The following KCNK13 variants were observed in gnomAD, a reference collection of about 807,000 sequenced individuals.
The protein encoded by KCNK13 is potassium two pore domain channel subfamily K member 13, also known as potassium channel subfamily K member 13.
Under a neutral mutation model 23.4 loss-of-function variants are expected in KCNK13, and 12 were observed. The ratio of observed to expected loss-of-function variants is 0.51; its 90% confidence interval spans 0.33 to 0.83. KCNK13 has a LOEUF of 0.83. Among genes scored for constraint, KCNK13 ranks in the 40% least tolerant of loss-of-function variants. The pLI is 0.02. For missense variants in KCNK13, 463 were observed against 556.3 expected, an observed-to-expected ratio of 0.83 and a Z score of 1.69; for synonymous variants, 231 against 229.5, an observed-to-expected ratio of 1.01 and a Z score of -0.06.
chr14:90,095,303 C>T (rs1227122894), intron 1 of KCNK13, among the ~76,000 whole-genome samples: 1 of 152,098 alleles, frequency 6.6e-6, no homozygotes, highest in Non-Finnish European at 1.5e-5. Context: ...ATGGTACAAT[C>T]TCCTAGGAAA....
chr14:90,119,289 T>A (rs1244748573), intron 1 of KCNK13, among the ~76,000 whole-genome samples: 1 of 152,182 alleles, frequency 6.6e-6, no homozygotes, highest in East Asian at 1.9e-4. Flanking sequence ...CCCAATTCAT[T>A]CTATGAGGCC....
At chr14:90,153,781 C>T (rs376918764) in intron 1 of KCNK13, among the ~76,000 whole-genome samples, 38 of 152,198 alleles carry the variant, frequency 2.5e-4, no homozygotes, top group East Asian at 3.8e-4. Flanking sequence ...AGATCTCTCT[C>T]GACTTAGAGG....
At chr14:90,078,079 T>C (rs1392927499) in intron 1 of KCNK13, among the ~76,000 whole-genome samples, 2 of 152,180 alleles carry the variant, frequency 1.3e-5, no homozygotes, top group African/African-American at 2.4e-5. Context: ...TTGAGAGGAC[T>C]TAGTTTCTTT....
intron 1 of KCNK13, among the ~76,000 whole-genome samples, chr14:90,162,936 A>G (rs775653274): frequency 6.6e-6 from 1 of 152,242 alleles, no homozygotes; most frequent in Non-Finnish European, 1.5e-5. Flanking sequence ...AAGAAAAACC[A>G]TAAATACCCT....
At chr14:90,085,215 G>T (rs191144922) in intron 1 of KCNK13, among the ~76,000 whole-genome samples, 2 of 151,964 alleles carry the variant, frequency 1.3e-5, no homozygotes, top group African/African-American at 2.4e-5. Flanking sequence ...AAAGTGCTAG[G>T]ATTACAGGTG....
chr14:90,137,477 C>T (rs1162093246), intron 1 of KCNK13, among the ~76,000 whole-genome samples: 1 of 151,972 alleles, frequency 6.6e-6, no homozygotes, highest in African/African-American at 2.4e-5. Context: ...CCCGCCAACA[C>T]GGCAGCCTAA....
At chr14:90,138,749 A>C (rs1401908818) in intron 1 of KCNK13, among the ~76,000 whole-genome samples, 1 of 152,064 alleles carries the variant, frequency 6.6e-6, no homozygotes. Flanking sequence ...CCCTGCCTGC[A>C]CTCCATAGCT....
intron 1 of KCNK13, among the ~76,000 whole-genome samples, chr14:90,125,110 G>T (rs1398820984): frequency 6.6e-6 from 1 of 152,016 alleles, no homozygotes; most frequent in Non-Finnish European, 1.5e-5. Context: ...AATATAGAAA[G>T]AAATGATCAT....
intron 1 of KCNK13, among the ~76,000 whole-genome samples, chr14:90,153,061 C>T (rs2140434394): frequency 6.6e-6 from 1 of 152,252 alleles, no homozygotes; most frequent in African/African-American, 2.4e-5. Context: ...CTAGAAGTTC[C>T]CTGAGCCTGC....
At chr14:90,151,332 C>T (rs1890132231) in intron 1 of KCNK13, among the ~76,000 whole-genome samples, 1 of 152,202 alleles carries the variant, frequency 6.6e-6, no homozygotes, top group Non-Finnish European at 1.5e-5. Flanking sequence ...GCCATCCTAA[C>T]AGTTGTGAGG....
chr14:90,069,030 CT>C lies in KCNK13; in HGVS notation c.334+6515del, dbSNP rs34881625. Reference sequence around the variant, plus strand: ...TAGATTCTCAACAACAGTTTTTATTCTTTTTTTTTTTTTTTTTTTTTTTTGA... The same window carrying C: ...TAGATTCTCAACAACAGTTTTTATTCTTTTTTTTTTTTTTTTTTTTTTTGA... On this transcript the variant is annotated intron_variant, in intron 1 of 1. Coordinates refer to ENST00000282146, the MANE Select transcript of KCNK13 (RefSeq NM_022054.4). 9.8e-3 allele frequency among the ~76,000 whole-genome samples: 883 copies of C among 90,102 alleles called. 1 individual carries two copies. Among genetic ancestry groups the C allele is most frequent in the African/African-American group, 0.024 (542 of 22,664 alleles). The allele number at this position is 90,102 out of a possible 152,430, so 59.1% of individuals were successfully genotyped here.
chr14:90,165,225 A>G (rs1890290119), intron 1 of KCNK13, among the ~76,000 whole-genome samples: 1 of 152,140 alleles, frequency 6.6e-6, no homozygotes, highest in Non-Finnish European at 1.5e-5. Context: ...ATTCAAGATG[A>G]GATTTGGGCG....
chr14:90,138,835 G>C (rs1197150379), intron 1 of KCNK13, among the ~76,000 whole-genome samples: 2 of 152,164 alleles, frequency 1.3e-5, no homozygotes. Flanking sequence ...ACCCACTAGT[G>C]ACATCTCTTT....
chr14:90,163,827 G>A (rs564909661), intron 1 of KCNK13, among the ~76,000 whole-genome samples: 59 of 152,222 alleles, frequency 3.9e-4, no homozygotes, highest in African/African-American at 1.4e-3. Flanking sequence ...GTAGCTGGGA[G>A]TACAGGCATG....
chr14:90,076,463 A>G (rs1889135384), intron 1 of KCNK13, among the ~76,000 whole-genome samples: 1 of 152,182 alleles, frequency 6.6e-6, no homozygotes, highest in Non-Finnish European at 1.5e-5. Flanking sequence ...GCTGAAAAGA[A>G]CTTTCTGGGA....
At chr14:90,078,450 GAGGAAGGA>G (rs1236151904) in intron 1 of KCNK13, among the ~76,000 whole-genome samples, 1 of 149,188 alleles carries the variant, frequency 6.7e-6, no homozygotes, top group African/African-American at 2.5e-5. Flanking sequence ...AAAAGAAAGA[GAGGAAGGA>G]AGGAAGGAGG....
At chr14:90,112,165 C>T (rs1469253886) in intron 1 of KCNK13, among the ~76,000 whole-genome samples, 1 of 152,220 alleles carries the variant, frequency 6.6e-6, no homozygotes, top group African/African-American at 2.4e-5. Context: ...CTTTTTCTCA[C>T]ATTCCTGCAC....
intron 1 of KCNK13, among the ~76,000 whole-genome samples, chr14:90,168,646 C>A (rs1192819985): frequency 6.6e-6 from 1 of 152,192 alleles, no homozygotes; most frequent in Non-Finnish European, 1.5e-5. Flanking sequence ...CCTCCTGAAT[C>A]AGACTATCTG....
intron 1 of KCNK13, among the ~76,000 whole-genome samples, chr14:90,071,022 C>T (rs1889068122): frequency 6.6e-6 from 1 of 152,188 alleles, no homozygotes; most frequent in African/African-American, 2.4e-5. Context: ...TAGGACACAG[C>T]CCTCACTCTC....
Sources: allele counts gnomAD v4.1 joint callset (sites outside exome capture counted in the v4.1 genomes callset), GRCh38; gene constraint gnomAD v4.1.1; transcripts MANE v1.5; gene names NCBI Gene and HGNC (gene_info 2026-07-23, HGNC 2026-07-21).